LTBP4: variants seen among roughly 807,000 people sequenced by gnomAD.
LTBP4 encodes the protein latent-transforming growth factor beta-binding protein 4.
Under a neutral mutation model 180.2 loss-of-function variants are expected in LTBP4, and 93 were observed. The observed-to-expected ratio is 0.52, with a 90% CI of 0.44 to 0.61. The LOEUF is 0.61. Among genes scored for constraint, LTBP4 ranks in the 20% least tolerant of loss-of-function variants. LTBP4 has a pLI of 0.00. For synonymous variants in LTBP4, 947 were observed against 934.5 expected, an observed-to-expected ratio of 1.01 and a Z score of -0.24; for missense variants, 2,116 against 2,256.5, an observed-to-expected ratio of 0.94 and a Z score of 1.26.
chr19:40,607,437 T>C lies in LTBP4; in HGVS notation c.1064T>C (p.Ile355Thr). 6.2e-7 allele frequency: 1 copy of C among 1,613,464 alleles called. No homozygotes were observed. The highest frequency in any genetic ancestry group is 8.5e-7 in the Non-Finnish European group (1 of 1,179,762). The change falls in exon 7 of 30, where the codon ATT becomes ACT. Residue 355 changes from isoleucine (I) to threonine (T), a missense_variant. Physicochemically the swap from Ile to Thr is moderately conservative, Grantham distance 89. This residue lies in a region of LTBP4 where 469 missense variants were observed against 532.5 expected (regional missense o/e 0.88). Transcript: ENST00000396819. ...VLRDGGCSLP[I>T]LRNITKQICC... ...CGCGACGGCGGCTGTTCGCTGCCCATTCTGCGGAACATCACTAAACAGATC... is the reference window on the plus strand; with the variant it reads ...CGCGACGGCGGCTGTTCGCTGCCCACTCTGCGGAACATCACTAAACAGATC...
chr19:40,593,214 T>C (rs1463695638), intron 1 of LTBP4: 2 of 1,613,224 alleles, frequency 1.2e-6, no homozygotes, highest in Non-Finnish European at 8.5e-7. Flanking sequence ...TGTTCTGAAA[T>C]AGCTGTGCAC....
At position 40,626,028 on chromosome 19, in the gene LTBP4, G is replaced by A; in HGVS notation, c.3985+19G>A. On this transcript the variant is annotated intron_variant, in intron 27 of 29. Transcript: ENST00000396819. Reference sequence around the variant, plus strand: ...GACTCAGGTGCTGGCACTGGCCTAGGCTGAACTCAGAGGCCTTGCCCCATG... The same window carrying A: ...GACTCAGGTGCTGGCACTGGCCTAGACTGAACTCAGAGGCCTTGCCCCATG... 1 of 1,577,736 alleles carries A rather than the reference G, an allele frequency of 6.3e-7. No individual in the cohort carries two copies. Among genetic ancestry groups the A allele is most frequent in the Non-Finnish European group, 8.6e-7 (1 of 1,166,056 alleles).
At chr19:40,628,510 G>A (rs949754796) in intron 29 of LTBP4, among the ~76,000 whole-genome samples, 7 of 152,184 alleles carry the variant, frequency 4.6e-5, no homozygotes, top group Middle Eastern at 3.4e-3. Flanking sequence ...GCAAAACTCC[G>A]TCTCAAAAAA....
In LTBP4 at chr19:40,629,535, A is replaced by C; in HGVS notation, c.4659A>C (p.Ala1553=). 1.3e-6 allele frequency: 2 copies of C among 1,551,870 alleles called. No individual in the cohort carries two copies. Among genetic ancestry groups the C allele is most frequent in the Non-Finnish European group, 1.7e-6 (2 of 1,147,836 alleles). Residue 1553 remains alanine (A), a synonymous_variant, in exon 30 of 30, where the codon GCA becomes GCC. Transcript: ENST00000396819. This position sits in a 1 kb window ranked among gnomAD's most constrained non-coding sequence, Gnocchi z 4.5. ...PTHQPHHCAP[A]RPRA Reference sequence around the variant, plus strand: ...ACCAGCCGCACCACTGTGCGCCCGCACGGCCCCGGGCCTGAGCCCTGGCAC... The same window carrying C: ...ACCAGCCGCACCACTGTGCGCCCGCCCGGCCCCGGGCCTGAGCCCTGGCAC...
intron 1 of LTBP4, among the ~76,000 whole-genome samples, chr19:40,602,145 T>G (rs1479125696): frequency 1.1e-4 from 9 of 81,818 alleles, no homozygotes; most frequent in Admixed American, 4.8e-4. Flanking sequence ...GAGACGGGGG[T>G]TGTGTGTGTG....
rs148592974 is a variant in LTBP4, at chr19:40,619,477, C to G, written c.3201C>G (p.Pro1067=). ...ACCCCATGACTGGACGCTGTGTTCC[C>G]CCACGAACTTCTGCTGGTGAGACTG... ...EFDPMTGRCV[P]PRTSAGTFPG... Residue 1067 remains proline, a synonymous_variant, in exon 22 of 30, where the codon CCC becomes CCG. Coordinates refer to ENST00000396819, the MANE Select transcript of LTBP4 (RefSeq NM_001042545.2). 346 of 1,611,040 alleles carry G rather than the reference C, an allele frequency of 2.1e-4. No homozygotes were observed. The African/African-American group carries it at 4.2e-3, about 20-fold the overall frequency.
intron 27 of LTBP4, 123 bp downstream of exon 27, chr19:40,626,132 C>T: frequency 8.9e-7 from 1 of 1,117,718 alleles, no homozygotes. Context: ...AGACCAACCC[C>T]TATGTCGCAG....
intron 19 of LTBP4, among the ~76,000 whole-genome samples, chr19:40,615,924 T>G (rs1366887367): frequency 6.6e-6 from 1 of 152,018 alleles, no homozygotes; most frequent in African/African-American, 2.4e-5. Flanking sequence ...ACATCAGGTT[T>G]AGGAAGGAAA....
chr19:40,601,551 C>T lies in LTBP4; in HGVS notation c.164C>T (p.Thr55Ile). 6.8e-7 allele frequency: 1 copy of T among 1,480,042 alleles called. No homozygotes were observed. Among genetic ancestry groups the T allele is most frequent in the South Asian group, 1.3e-5 (1 of 78,110 alleles). 91.7% of individuals were successfully genotyped at this position (1,480,042 alleles called of 1,614,324 possible). A position where few individuals can be genotyped will look rare whatever the true frequency, so the allele number is the denominator to read the frequency against. The change falls in exon 1 of 30, where the codon ACC becomes ATC. Residue 55 changes from threonine (T) to isoleucine (I), a missense_variant. Transcript: ENST00000396819. ...CATGGGCCGACCGGCTCCCGCTGTA[C>T]CCCGACCTGCGCGCCCCGCAACGCC... is the stretch of plus-strand genomic sequence containing the variant. ...CVHGPTGSRC[T>I]PTCAPRNATS...
At chr19:40,620,430 G>T (rs1376302924) in intron 22 of LTBP4, among the ~76,000 whole-genome samples, 2 of 150,598 alleles carry the variant, frequency 1.3e-5, no homozygotes, top group Non-Finnish European at 3.0e-5. Flanking sequence ...TAGAGATGTG[G>T]TTTTGTCATG....
At chr19:40,626,887 C>G in intron 27 of LTBP4, 88 bp from the exon 28 acceptor site, 1 of 1,432,526 alleles carries the variant, frequency 7.0e-7, no homozygotes, top group Non-Finnish European at 9.1e-7. Context: ...CCCATCCAGT[C>G]CTCTGCCTCC....
chr19:40,624,026 C>A lies in LTBP4; in HGVS notation c.3776C>A (p.Pro1259Gln), dbSNP rs778231525. The A allele has an allele frequency of 2.5e-5, 40 of 1,608,010 alleles. No homozygotes were observed. The South Asian group carries it at 4.2e-4, about 17-fold the overall frequency. Residue 1259 changes from proline to glutamine, a missense_variant, in exon 26 of 30, where the codon CCA becomes CAA. Pro to Gln is a moderately conservative substitution (Grantham distance 76). This residue lies in a region of LTBP4 where 488 missense variants were observed against 458.8 expected (regional missense o/e 1.06). Transcript: ENST00000396819. ...TCTTATCACTGTACCTGCGAGCCCC[C>A]ACTGGTGCTGGATGGCTCGCAGCGC... is the stretch of plus-strand genomic sequence containing the variant. ...VGSYHCTCEP[P>Q]LVLDGSQRRC...
rs772718741 is a variant in LTBP4, at chr19:40,614,476, C to T, written c.2812+30C>T. On this transcript the variant is annotated intron_variant, in intron 19 of 29. Transcript: ENST00000396819. ...GCCTGCCCCCACCCGCCTTCGCTAG[C>T]GCTTGCAACGCGGTGCTGGAGGCTG... The T allele has an allele frequency of 5.0e-6, 8 of 1,588,892 alleles. No individual in the cohort carries two copies. The South Asian group carries it at 6.7e-5, about 13-fold the overall frequency.
chr19:40,611,139 C>T lies in LTBP4; in HGVS notation c.1811-13C>T. 3 of 1,613,504 alleles carry T rather than the reference C, an allele frequency of 1.9e-6. No individual in the cohort carries two copies. Among genetic ancestry groups the T allele is most frequent in the Non-Finnish European group, 2.5e-6 (3 of 1,179,502 alleles). On this transcript the variant is annotated splice_polypyrimidine_tract_variant and intron_variant, in intron 12 of 29. Coordinates refer to ENST00000396819, the MANE Select transcript of LTBP4 (RefSeq NM_001042545.2). This position sits in a 1 kb window ranked among gnomAD's most constrained non-coding sequence, Gnocchi z 4.4. ...AGGGGAACAAGTGACCCCGGGCCCC[C>T]TGCCCTGTGCAGATGTGGATGAATG...
Position 40,626,970 on chromosome 19 carries a change from C to T in LTBP4, c.3986-5C>T, listed in dbSNP as rs752303144. 6 of 1,541,270 alleles carry T rather than the reference C, an allele frequency of 3.9e-6. No homozygotes were observed. The highest frequency in any genetic ancestry group is 5.3e-6 in the Non-Finnish European group (6 of 1,140,820). On this transcript the variant is annotated splice_polypyrimidine_tract_variant and splice_region_variant and intron_variant, in intron 27 of 29. Coordinates refer to ENST00000396819, the MANE Select transcript of LTBP4 (RefSeq NM_001042545.2). ...CTGATTGTTTGCCTTGGCTCCTGTT[C>T]CCAGATGACTTCGAGGCCCTGTGCA...
intron 1 of LTBP4, among the ~76,000 whole-genome samples, chr19:40,604,547 A>G (rs2081445315): frequency 6.6e-6 from 1 of 152,134 alleles, no homozygotes. Context: ...TTGACATGAA[A>G]GTGAATAAAC....
Position 40,611,902 on chromosome 19 carries a change from C to T in LTBP4, c.2097C>T (p.Gly699=). The change falls in exon 14 of 30, where the codon GGC becomes GGT. Residue 699 remains glycine (G), a synonymous_variant. Coordinates refer to ENST00000396819, the MANE Select transcript of LTBP4 (RefSeq NM_001042545.2). The surrounding 1 kb of genome is among the most constrained non-coding windows in gnomAD (Gnocchi z 4.4). ...CARSPPPCTY[G]RCENTEGSFQ... is the part of the protein sequence containing the mutation. ...GAAGCCCCCCACCCTGCACCTACGG[C>T]CGGTGTGAGAACACAGAAGGCAGCT... The T allele has an allele frequency of 6.2e-7, 1 of 1,609,262 alleles. No individual in the cohort carries two copies. The highest frequency in any genetic ancestry group is 8.5e-7 in the Non-Finnish European group (1 of 1,178,086).
Position 40,612,099 on chromosome 19 carries a change from G to C in LTBP4, c.2206G>C (p.Ala736Pro). 2 of 1,613,598 alleles carry C rather than the reference G, an allele frequency of 1.2e-6. No individual in the cohort carries two copies. The highest frequency in any genetic ancestry group is 2.2e-5 in the South Asian group (2 of 90,938). ...TGTGGATGAGTGTGAGAACCACCTCGCATGCCCTGGGCAGGAGTGTGTGAA... is the reference window on the plus strand; with the variant it reads ...TGTGGATGAGTGTGAGAACCACCTCCCATGCCCTGGGCAGGAGTGTGTGAA... Reference protein sequence around the residue: ...EDVDECENHLACPGQECVNSP... With the variant: ...EDVDECENHLPCPGQECVNSP... The change falls in exon 15 of 30, where the codon GCA becomes CCA. Residue 736 changes from alanine (A) to proline (P), a missense_variant. Ala to Pro is a conservative substitution (Grantham distance 27). Around this residue, in one of 5 missense-constraint regions of LTBP4, gnomAD observed 877 missense variants for 873.6 expected, o/e 1.00. Transcript: ENST00000396819.
In LTBP4 at chr19:40,627,743, G is replaced by A. The variant is rs2081646947; in HGVS notation, c.4405G>A (p.Glu1469Lys). 1.9e-6 allele frequency: 3 copies of A among 1,597,138 alleles called. No homozygotes were observed. Among genetic ancestry groups the A allele is most frequent in the South Asian group, 1.1e-5 (1 of 87,954 alleles). ...AEPYEELEAE[E>K]CGILDGCTNG... Reference sequence around the variant, plus strand: ...GCCCTACGAGGAGCTGGAGGCGGAGGAGTGCGGGATCCTGGACGGCTGCAC... The same window carrying A: ...GCCCTACGAGGAGCTGGAGGCGGAGAAGTGCGGGATCCTGGACGGCTGCAC... The change falls in exon 29 of 30, where the codon GAG becomes AAG. Residue 1469 changes from glutamate (E) to lysine (K), a missense_variant. By Grantham distance (56) the Glu-to-Lys change is moderately conservative. Around this residue, in one of 5 missense-constraint regions of LTBP4, gnomAD observed 488 missense variants for 458.8 expected, o/e 1.06. Coordinates refer to ENST00000396819, the MANE Select transcript of LTBP4 (RefSeq NM_001042545.2).
Sources: allele counts gnomAD v4.1 joint callset (sites outside exome capture counted in the v4.1 genomes callset), GRCh38; gene constraint gnomAD v4.1.1; regional missense constraint gnomAD v4.1.1; non-coding constraint Gnocchi (gnomAD v3.1); transcripts MANE v1.5; gene names NCBI Gene and HGNC (gene_info 2026-07-23, HGNC 2026-07-21).